Variants in TIAM1 observed in about 807,000 individuals in gnomAD.
TIAM1 encodes the protein rho guanine nucleotide exchange factor TIAM1.
TIAM1 carries 65 observed loss-of-function variants against 163.5 expected under a neutral mutation model. That is an observed-to-expected ratio of 0.40 (90% CI 0.33 to 0.49). The LOEUF (loss-of-function observed/expected upper bound fraction) is 0.49, where lower values mean the gene tolerates loss of function less well. Ranked by LOEUF, TIAM1 falls within the 20% of genes least tolerant of loss-of-function variation. TIAM1 has a pLI of 0.77. For missense variants in TIAM1, 1,789 were observed against 2,044.7 expected (o/e 0.87, Z 2.41); for synonymous variants, 833 against 810.1 (o/e 1.03, Z -0.48).
chr21:31,368,912 T>G (rs1048849120), intron 2 of TIAM1, among the ~76,000 whole-genome samples: 5 of 152,160 alleles, frequency 3.3e-5, no homozygotes, highest in African/African-American at 9.7e-5. Flanking sequence ...AGCAAAGGAC[T>G]TGGACTCTTA....
intron 2 of TIAM1, among the ~76,000 whole-genome samples, chr21:31,433,558 TC>T (rs1779011135): frequency 6.6e-6 from 1 of 152,178 alleles, no homozygotes; most frequent in Non-Finnish European, 1.5e-5. Flanking sequence ...CTCAAATCAT[TC>T]CTTTTAGAAC....
intron 7 of TIAM1, among the ~76,000 whole-genome samples, chr21:31,224,798 G>T (rs987397309): frequency 6.6e-6 from 1 of 152,132 alleles, no homozygotes; most frequent in Non-Finnish European, 1.5e-5. Context: ...CATGTCAATT[G>T]TTCAATGATT....
chr21:31,290,645 TCAAAAAAAAAAAAA>T (rs1465477028), intron 2 of TIAM1, among the ~76,000 whole-genome samples: 2 of 43,006 alleles, frequency 4.7e-5, no homozygotes, highest in Admixed American at 4.1e-4. Context: ...AGACTCTATC[TCAAAAAAAAAAAAA>T]AAAAAAAAAA....
chr21:31,224,328 C>T (rs1405503131), intron 7 of TIAM1, among the ~76,000 whole-genome samples: 2 of 152,132 alleles, frequency 1.3e-5, no homozygotes, highest in Non-Finnish European at 2.9e-5. Flanking sequence ...GCACTGTTTG[C>T]AAAAGGTGGA....
At chr21:31,414,450 C>A (rs898764260) in intron 2 of TIAM1, among the ~76,000 whole-genome samples, 6 of 152,240 alleles carry the variant, frequency 3.9e-5, no homozygotes, top group African/African-American at 1.4e-4. Context: ...CTGGGAAAAG[C>A]TTACTAACAG....
intron 8 of TIAM1, among the ~76,000 whole-genome samples, chr21:31,222,025 G>C (rs956132024): frequency 6.6e-6 from 1 of 152,218 alleles, no homozygotes; most frequent in African/African-American, 2.4e-5. Flanking sequence ...GAGCTGAGCT[G>C]TAATTAGCAG....
chr21:31,468,249 G>A (rs2045602779), intron 1 of TIAM1, among the ~76,000 whole-genome samples: 1 of 152,070 alleles, frequency 6.6e-6, no homozygotes, highest in South Asian at 2.1e-4. Context: ...GCCAAGGCAG[G>A]CGGATCACTG....
At chr21:31,169,275 C>A (rs28500527) in intron 15 of TIAM1, among the ~76,000 whole-genome samples, 7,425 of 152,166 alleles carry the variant, frequency 0.049, 250 homozygotes, top group Non-Finnish European at 0.07. Flanking sequence ...GCCTGGCAGA[C>A]TGAGTGAGAC....
At chr21:31,269,671 G>GTT (rs11350283) in intron 3 of TIAM1, among the ~76,000 whole-genome samples, 97 of 124,242 alleles carry the variant, frequency 7.8e-4, no homozygotes, top group African/African-American at 1.1e-3. Flanking sequence ...AAGTTTGTTT[G>GTT]TTTTTTTTTT....
chr21:31,222,340 A>G (rs1414513764), intron 8 of TIAM1, among the ~76,000 whole-genome samples: 5 of 152,156 alleles, frequency 3.3e-5, no homozygotes, highest in African/African-American at 4.8e-5. Context: ...GACTAAAACC[A>G]TGTTACTCAT....
rs918956069 is a variant in TIAM1, at chr21:31,119,562, ACT to A, written c.*804_*805del. 2 of 152,484 alleles carry A rather than the reference ACT, an allele frequency of 1.3e-5. No homozygotes were observed. Among genetic ancestry groups the A allele is most frequent in the South Asian group, 2.1e-4 (1 of 4,826 alleles). The allele number at this position is 152,484 out of a possible 1,614,324, so 9.4% of individuals were successfully genotyped here. A position where few individuals can be genotyped will look rare whatever the true frequency, so the allele number is the denominator to read the frequency against. On this transcript the variant is annotated 3_prime_UTR_variant, in exon 28 of 28. Coordinates refer to ENST00000541036, the MANE Select transcript of TIAM1 (RefSeq NM_001353694.2). ...TATAAATATAAAACCACCACGCCTC[ACT>A]CTCTCTGTAAAAGGTTATATCCTCA...
intron 1 of TIAM1, among the ~76,000 whole-genome samples, chr21:31,474,190 A>G (rs186261387): frequency 1.3e-5 from 2 of 152,276 alleles, no homozygotes; most frequent in Admixed American, 1.3e-4. Context: ...CCATGACCCA[A>G]ACACCTCCTG....
rs557960256 is a variant in TIAM1 at position 31,155,783 on chromosome 21, G to A, written c.2992-1357C>T. Among the ~76,000 whole-genome samples the A allele has an allele frequency of 5.9e-5, 9 of 152,218 alleles. No homozygotes were observed. In the East Asian group the frequency reaches 1.4e-3, roughly 23 times the overall value. ...CCCAAAGTGCTGGGATTACAGGCGT[G>A]AGCCACCGCGCCCGGCCCCGGAAAT... On this transcript the variant is annotated intron_variant, in intron 16 of 27. Transcript: ENST00000541036.
At chr21:31,332,553 A>G (rs2075708432) in intron 2 of TIAM1, among the ~76,000 whole-genome samples, 1 of 152,140 alleles carries the variant, frequency 6.6e-6, no homozygotes, top group Non-Finnish European at 1.5e-5. Flanking sequence ...TTGTTTAAAC[A>G]TACATGACTG....
intron 16 of TIAM1, among the ~76,000 whole-genome samples, chr21:31,162,936 C>T (rs751178625): frequency 2.0e-4 from 30 of 152,092 alleles, no homozygotes; most frequent in Admixed American, 3.9e-4. Flanking sequence ...GGAGTCAGAG[C>T]GACACATGGG....
intron 2 of TIAM1, among the ~76,000 whole-genome samples, chr21:31,377,864 C>G (rs1369057327): frequency 6.6e-6 from 1 of 150,942 alleles, no homozygotes; most frequent in South Asian, 2.1e-4. Flanking sequence ...GGGCCAGGTG[C>G]GGTGGCTCAC....
chr21:31,358,307 T>G (rs2076349129), intron 2 of TIAM1, among the ~76,000 whole-genome samples: 1 of 152,190 alleles, frequency 6.6e-6, no homozygotes, highest in Non-Finnish European at 1.5e-5. Flanking sequence ...TCCTGCTTGC[T>G]TCCTCTTTCT....
At chr21:31,243,209 A>AATATATATAT (rs1555902486) in intron 6 of TIAM1, among the ~76,000 whole-genome samples, 14 of 117,278 alleles carry the variant, frequency 1.2e-4, no homozygotes, top group African/African-American at 4.8e-4. Context: ...AAAAAAAAAA[A>AATATATATAT]ATATATATAT....
rs1423815055 is a variant in TIAM1, at chr21:31,213,433, C to A, written c.2182G>T (p.Glu728Ter). The A allele has an allele frequency of 1.2e-6, 2 of 1,612,442 alleles. No homozygotes were observed. Among genetic ancestry groups the A allele is most frequent in the African/African-American group, 1.3e-5 (1 of 74,720 alleles). Reference sequence around the variant, plus strand: ...GGAACAATGTCATCAAATATTCCCTCTAAAGATTTCTTTACAGCTTCGGTT... The same window carrying A: ...GGAACAATGTCATCAAATATTCCCTATAAAGATTTCTTTACAGCTTCGGTT... ...EGTEAVKKSL[E>*]GIFDDIVPDG... The change falls in exon 10 of 28, where the codon GAG becomes TAG. Residue 728 changes from glutamate (E) to a stop codon, truncating the protein, a stop_gained. Coordinates refer to ENST00000541036, the MANE Select transcript of TIAM1 (RefSeq NM_001353694.2). LOFTEE classifies it high-confidence loss of function.
Sources: allele counts gnomAD v4.1 joint callset (sites outside exome capture counted in the v4.1 genomes callset), GRCh38; gene constraint gnomAD v4.1.1; transcripts MANE v1.5; gene names NCBI Gene and HGNC (gene_info 2026-07-23, HGNC 2026-07-21).